CNOT1: variants seen among roughly 807,000 people sequenced by gnomAD.
CNOT1 encodes CCR4-NOT transcription complex subunit 1.
A neutral mutation model predicts 273.8 loss-of-function variants in CNOT1; 15 were observed. That is an observed-to-expected ratio of 0.05 (90% CI 0.04 to 0.08). The LOEUF is 0.08. Ranked by LOEUF, CNOT1 falls within the 10% of genes least tolerant of loss-of-function variation. The pLI is 1.00. For synonymous variants in CNOT1, 1,022 were observed against 1,005.5 expected (o/e 1.02, Z -0.31); for missense variants, 1,644 against 2,912.2 (o/e 0.56, Z 10.02).
Position 58,558,754 on chromosome 16 carries a change from C to G in CNOT1, c.2131-80G>C, listed in dbSNP as rs114531671. The stretch of plus-strand genomic sequence containing the variant: ...CATGTAAAGCAATCTTTAACAACAG[C>G]TCTTCATAATCTTAAAAAGCAAACT... On this transcript the variant is annotated intron_variant, in intron 17 of 48. Coordinates refer to ENST00000317147, the MANE Select transcript of CNOT1 (RefSeq NM_016284.5). The G allele has an allele frequency of 6.1e-5, 93 of 1,532,812 alleles. No individual in the cohort carries two copies. The East Asian group carries it at 2.0e-3, about 33-fold the overall frequency. The allele number at this position is 1,532,812 out of a possible 1,614,324, so 95.0% of individuals were successfully genotyped here. A position where few individuals can be genotyped will look rare whatever the true frequency, so the allele number is the denominator to read the frequency against.
At chr16:58,521,988 T>G (rs1040212289) in intron 47 of CNOT1, among the ~76,000 whole-genome samples, 3 of 150,990 alleles carry the variant, frequency 2.0e-5, no homozygotes, top group Non-Finnish European at 3.0e-5. Flanking sequence ...ATAAGCTCAC[T>G]CTCAATAAAA....
At position 58,527,363 on chromosome 16, in the gene CNOT1, A is replaced by T. The variant is rs567766877; in HGVS notation, c.6453+1112T>A. On this transcript the variant is annotated intron_variant, in intron 44 of 48. Transcript: ENST00000317147. ...TAGTGAAACCCCGTCACTACTAAAA[A>T]TACAAAAAAAAAAATTAGCCAGGCA... is the stretch of plus-strand genomic sequence containing the variant. Among the ~76,000 whole-genome samples, 21 of 139,838 alleles carry T rather than the reference A, an allele frequency of 1.5e-4. No individual in the cohort carries two copies. In the South Asian group the frequency reaches 4.9e-3, roughly 33 times the overall value. The allele number at this position is 139,838 out of a possible 152,430, so 91.7% of individuals were successfully genotyped here.
intron 1 of CNOT1, among the ~76,000 whole-genome samples, chr16:58,610,502 G>A (rs756746750): frequency 1.3e-5 from 2 of 151,930 alleles, no homozygotes; most frequent in East Asian, 1.9e-4. Flanking sequence ...TCGGGAGATC[G>A]AAATCATCCT....
intron 2 of CNOT1, among the ~76,000 whole-genome samples, chr16:58,596,925 C>G (rs1471378107): frequency 7.8e-6 from 1 of 128,330 alleles, no homozygotes; most frequent in Non-Finnish European, 1.6e-5. Context: ...AAACAAAAGT[C>G]AATTTAATAT....
rs780513313 is a variant in CNOT1, at chr16:58,587,082, TAAAGAG to T, written c.433+113_433+118del. ...TATATTACATGTTTTTTACCACAGA[TAAAGAG>T]AAATTAATTTCAGATTATCTTACTC... On this transcript the variant is annotated intron_variant, in intron 6 of 48. Coordinates refer to ENST00000317147, the MANE Select transcript of CNOT1 (RefSeq NM_016284.5). The T allele has an allele frequency of 3.6e-4, 494 of 1,367,194 alleles. 1 individual carries two copies. The highest frequency in any genetic ancestry group is 4.8e-4 in the Non-Finnish European group (481 of 1,007,328). 84.7% of individuals were successfully genotyped at this position (1,367,194 alleles called of 1,614,324 possible).
At chr16:58,538,705 C>T in intron 36 of CNOT1, 67 bp downstream of exon 36, 1 of 1,587,936 alleles carries the variant, frequency 6.3e-7, no homozygotes, top group Non-Finnish European at 8.5e-7. Flanking sequence ...TGGACATAAA[C>T]AGTACTATCT....
chr16:58,527,471 G>A (rs961029443), intron 44 of CNOT1, among the ~76,000 whole-genome samples: 1 of 152,034 alleles, frequency 6.6e-6, no homozygotes, highest in African/African-American at 2.4e-5. Context: ...AAGTTGCAGT[G>A]AGCTGAGATT....
At chr16:58,582,759 C>T (rs2041700673) in intron 10 of CNOT1, 34 bp downstream of exon 10, 2 of 1,199,210 alleles carry the variant, frequency 1.7e-6, no homozygotes, top group Non-Finnish European at 1.2e-6. Context: ...CATTCAAATA[C>T]CACAAATCAA....
In CNOT1 at chr16:58,523,954, A is replaced by T. The variant is rs145915025; in HGVS notation, c.6785-452T>A. On this transcript the variant is annotated intron_variant, in intron 46 of 48. Transcript: ENST00000317147. The stretch of plus-strand genomic sequence containing the variant: ...AAAATGTAAATGTTGTTTTATGATG[A>T]AAACAGTTTTGGGCCGGGCACGGTG... 329 of 154,190 alleles carry T rather than the reference A, an allele frequency of 2.1e-3. 2 individuals are homozygous for T. The highest frequency in any genetic ancestry group is 3.9e-3 in the Non-Finnish European group (270 of 69,292). The allele number at this position is 154,190 out of a possible 1,614,324, so 9.6% of individuals were successfully genotyped here.
intron 2 of CNOT1, among the ~76,000 whole-genome samples, chr16:58,590,030 T>C (rs965032388): frequency 6.6e-6 from 1 of 152,258 alleles, no homozygotes; most frequent in Non-Finnish European, 1.5e-5. Context: ...TACCTGCTAA[T>C]TTGTTTATTG....
chr16:58,567,386 G>A (rs1178125071), intron 16 of CNOT1, among the ~76,000 whole-genome samples: 1 of 151,972 alleles, frequency 6.6e-6, no homozygotes, highest in Non-Finnish European at 1.5e-5. Context: ...GCTTTCGGAA[G>A]CCAAGGCAGG....
chr16:58,622,743 A>C (rs2043398553), intron 1 of CNOT1, among the ~76,000 whole-genome samples: 1 of 151,464 alleles, frequency 6.6e-6, no homozygotes, highest in Admixed American at 6.6e-5. Context: ...CCTACTCGGG[A>C]GGCTGAGGCA....
intron 4 of CNOT1, 91 bp from the exon 5 acceptor site, chr16:58,587,504 A>G: frequency 1.9e-6 from 3 of 1,542,904 alleles, no homozygotes; most frequent in Non-Finnish European, 2.6e-6. Flanking sequence ...ATGGCACTAC[A>G]TAGGAGTTGC....
At chr16:58,594,228 G>C (rs1423831489) in intron 2 of CNOT1, among the ~76,000 whole-genome samples, 1 of 151,408 alleles carries the variant, frequency 6.6e-6, no homozygotes, top group Non-Finnish European at 1.5e-5. Flanking sequence ...TGGGCAACAA[G>C]AGCGAAACTC....
chr16:58,529,086 G>A (rs898589989), intron 43 of CNOT1, among the ~76,000 whole-genome samples: 3 of 152,042 alleles, frequency 2.0e-5, no homozygotes, highest in African/African-American at 4.8e-5. Flanking sequence ...AAGGCTGACA[G>A]AGAAAACACA....
intron 31 of CNOT1, chr16:58,543,091 T>G (rs1597426536): frequency 8.1e-7 from 1 of 1,241,574 alleles, no homozygotes; most frequent in East Asian, 4.7e-5. Flanking sequence ...AGACCCTGTC[T>G]CATGAAACAT....
At chr16:58,546,775 T>C in intron 27 of CNOT1, 26 bp from the exon 28 acceptor site, 1 of 1,613,500 alleles carries the variant, frequency 6.2e-7, no homozygotes, top group Non-Finnish European at 8.5e-7. Context: ...TATGTTAAGC[T>C]GGCCCAAAAT....
intron 1 of CNOT1, among the ~76,000 whole-genome samples, chr16:58,619,393 G>C (rs1293792381): frequency 2.0e-5 from 3 of 151,476 alleles, no homozygotes; most frequent in Non-Finnish European, 4.4e-5. Context: ...AATTGTAAAA[G>C]AGCATCTTTT....
Position 58,523,354 on chromosome 16 carries a change from TA to T in CNOT1, c.6917+15del. The T allele has an allele frequency of 1.3e-6, 2 of 1,558,234 alleles. No homozygotes were observed. Among genetic ancestry groups the T allele is most frequent in the South Asian group, 2.5e-5 (2 of 80,482 alleles). ...AGATCCTTTTGAAGCATTTAAAAAA[TA>T]AGCTGCTCGCTTACCTTGTGATCTG... On this transcript the variant is annotated intron_variant, in intron 47 of 48. Coordinates refer to ENST00000317147, the MANE Select transcript of CNOT1 (RefSeq NM_016284.5).
Sources: gnomAD v4.1 joint callset for allele counts (sites outside exome capture counted in the v4.1 genomes callset) on GRCh38, gnomAD v4.1.1 for gene constraint, MANE v1.5 for transcripts, NCBI Gene and HGNC (gene_info 2026-07-23, HGNC 2026-07-21) for gene names.